Variants in TCF7L1 observed in about 807,000 individuals in gnomAD.
TCF7L1 encodes the protein transcription factor 7 like 1.
A neutral mutation model predicts 63.7 loss-of-function variants in TCF7L1; 18 were observed. The observed-to-expected ratio is 0.28, with a 90% CI of 0.20 to 0.42. The LOEUF (loss-of-function observed/expected upper bound fraction) is 0.42. TCF7L1 is among the 10% of genes least tolerant of loss of function. The pLI is 1.00. For missense variants in TCF7L1, 654 were observed against 779.3 expected, an observed-to-expected ratio of 0.84 and a Z score of 1.91; for synonymous variants, 355 against 340.9, an observed-to-expected ratio of 1.04 and a Z score of -0.46.
intron 3 of TCF7L1, among the ~76,000 whole-genome samples, chr2:85,267,175 T>C (rs1035608567): frequency 2.0e-5 from 3 of 151,018 alleles, no homozygotes; most frequent in African/African-American, 7.3e-5. Flanking sequence ...ACCCTGTCTC[T>C]ACAAAAATAC....
intron 3 of TCF7L1, among the ~76,000 whole-genome samples, chr2:85,150,600 T>TC (rs1440221864): frequency 6.6e-6 from 1 of 151,816 alleles, no homozygotes; most frequent in Non-Finnish European, 1.5e-5. Context: ...TTTTTTTTTT[T>TC]CTGGTGTTTC....
chr2:85,186,542 AC>A (rs1189626073), intron 3 of TCF7L1: 1 of 152,208 alleles, frequency 6.6e-6, no homozygotes, highest in African/African-American at 2.4e-5. Flanking sequence ...GGTCACCATT[AC>A]CATATGGCTC....
At chr2:85,262,154 C>T (rs569470225) in intron 3 of TCF7L1, 5 of 546,666 alleles carry the variant, frequency 9.1e-6, no homozygotes, top group Middle Eastern at 5.9e-4. Context: ...TAACAAGGTT[C>T]GTATACTCAT....
chr2:85,135,676 C>T (rs1053520655), intron 3 of TCF7L1, among the ~76,000 whole-genome samples: 18 of 149,840 alleles, frequency 1.2e-4, no homozygotes, highest in Non-Finnish European at 2.7e-4. Context: ...GCTACCATCA[C>T]CAGATGGGTT....
At chr2:85,191,325 C>T (rs1247532194) in intron 3 of TCF7L1, among the ~76,000 whole-genome samples, 2 of 152,186 alleles carry the variant, frequency 1.3e-5, no homozygotes, top group Admixed American at 6.5e-5. Context: ...GTTTCAAACC[C>T]TCTGGTCCCG....
At chr2:85,278,813 A>C (rs1487926812) in intron 3 of TCF7L1, among the ~76,000 whole-genome samples, 3 of 152,258 alleles carry the variant, frequency 2.0e-5, no homozygotes, top group Non-Finnish European at 2.9e-5. Context: ...ATGTAAATCG[A>C]AGACAGTAGT....
chr2:85,167,607 A>G (rs1039724417), intron 3 of TCF7L1, among the ~76,000 whole-genome samples: 1 of 152,180 alleles, frequency 6.6e-6, no homozygotes, highest in African/African-American at 2.4e-5. Context: ...TCATGCCTGT[A>G]TTCCCCAGCA....
chr2:85,206,078 G>A (rs1679402910), intron 3 of TCF7L1, among the ~76,000 whole-genome samples: 1 of 152,202 alleles, frequency 6.6e-6, no homozygotes, highest in East Asian at 1.9e-4. Context: ...TGTTAGCTGG[G>A]GCTATTAACT....
chr2:85,235,995 CA>C (rs201374140), intron 3 of TCF7L1, among the ~76,000 whole-genome samples: 1 of 151,876 alleles, frequency 6.6e-6, no homozygotes, highest in East Asian at 1.9e-4. Flanking sequence ...CTCGCCTCTA[CA>C]AAAAAAATCA....
At chr2:85,183,196 T>C (rs1241708127) in intron 3 of TCF7L1, among the ~76,000 whole-genome samples, 1 of 152,084 alleles carries the variant, frequency 6.6e-6, no homozygotes, top group East Asian at 1.9e-4. Context: ...ATACTAGATA[T>C]CAAAATGCAT....
intron 3 of TCF7L1, among the ~76,000 whole-genome samples, chr2:85,138,818 G>A (rs751992223): frequency 1.1e-4 from 17 of 152,228 alleles, no homozygotes; most frequent in East Asian, 9.6e-4. Flanking sequence ...ATCTAACAGC[G>A]TATTCCAGCC....
intron 3 of TCF7L1, among the ~76,000 whole-genome samples, chr2:85,136,681 C>G (rs1677602544): frequency 6.6e-6 from 1 of 152,182 alleles, no homozygotes; most frequent in South Asian, 2.1e-4. Context: ...TTCTGTGTCT[C>G]TGTGTGCCTT....
At chr2:85,211,816 A>ATGG (rs1249491744) in intron 3 of TCF7L1, among the ~76,000 whole-genome samples, 1 of 152,164 alleles carries the variant, frequency 6.6e-6, no homozygotes, top group Non-Finnish European at 1.5e-5. Flanking sequence ...TCGGCCAGGA[A>ATGG]TGGTAGCTCA....
chr2:85,169,595 C>G (rs1169436571), intron 3 of TCF7L1, among the ~76,000 whole-genome samples: 1 of 152,098 alleles, frequency 6.6e-6, no homozygotes, highest in African/African-American at 2.4e-5. Flanking sequence ...GATTGGTGAA[C>G]AAGACAAAGC....
At chr2:85,279,064 T>C (rs1681353823) in intron 3 of TCF7L1, among the ~76,000 whole-genome samples, 1 of 151,570 alleles carries the variant, frequency 6.6e-6, no homozygotes, top group South Asian at 2.1e-4. Flanking sequence ...CACGACACAC[T>C]GGTCAGGAGC....
intron 3 of TCF7L1, among the ~76,000 whole-genome samples, chr2:85,198,168 G>A (rs142382909): frequency 1.3e-5 from 2 of 152,328 alleles, no homozygotes; most frequent in East Asian, 1.9e-4. Context: ...GTATTGCTGC[G>A]ACTTCTGAAT....
intron 3 of TCF7L1, among the ~76,000 whole-genome samples, chr2:85,231,451 A>G (rs1680077895): frequency 1.3e-5 from 2 of 152,188 alleles, no homozygotes; most frequent in Non-Finnish European, 2.9e-5. Context: ...CCTAGAGCAA[A>G]CTGAATTCCT....
chr2:85,210,619 G>A (rs1054379936), intron 3 of TCF7L1, among the ~76,000 whole-genome samples: 3 of 152,194 alleles, frequency 2.0e-5, no homozygotes, highest in Non-Finnish European at 4.4e-5. Context: ...AGTGCGGAGG[G>A]AGGGCTGGGT....
chr2:85,210,511 C>T (rs534998032), intron 3 of TCF7L1, among the ~76,000 whole-genome samples: 14 of 152,316 alleles, frequency 9.2e-5, no homozygotes, highest in Admixed American at 3.3e-4. Context: ...GATTGTCTAC[C>T]TGGAAAACCC....
Sources: allele counts gnomAD v4.1 joint callset (sites outside exome capture counted in the v4.1 genomes callset), GRCh38; gene constraint gnomAD v4.1.1; transcripts MANE v1.5; gene names NCBI Gene and HGNC (gene_info 2026-07-23, HGNC 2026-07-21).